The following GRIK1 variants were observed in gnomAD, a reference collection of about 807,000 sequenced individuals.
The protein encoded by GRIK1 is glutamate receptor ionotropic, kainate 1.
Under a neutral mutation model 105.7 loss-of-function variants are expected in GRIK1, and 69 were observed. The ratio of observed to expected loss-of-function variants is 0.65; its 90% confidence interval spans 0.54 to 0.80. GRIK1 has a LOEUF of 0.80. GRIK1 is among the 30% of genes least tolerant of loss of function. GRIK1 has a pLI of 0.00. For missense variants in GRIK1, 1,109 were observed against 1,167.3 expected, an observed-to-expected ratio of 0.95 and a Z score of 0.73; for synonymous variants, 438 against 431.3, an observed-to-expected ratio of 1.02 and a Z score of -0.19.
chr21:29,680,058 A>G (rs2063341973), intron 3 of GRIK1, among the ~76,000 whole-genome samples: 1 of 152,210 alleles, frequency 6.6e-6, no homozygotes, highest in South Asian at 2.1e-4. Flanking sequence ...AGGTGTCCCA[A>G]GTTTCTTAGG....
At chr21:29,788,770 G>A (rs1473930815) in intron 1 of GRIK1, among the ~76,000 whole-genome samples, 1 of 152,188 alleles carries the variant, frequency 6.6e-6, no homozygotes, top group African/African-American at 2.4e-5. Context: ...CAGATCATCA[G>A]GCAGTAGATT....
chr21:29,939,383 C>G lies in GRIK1; in HGVS notation c.118G>C (p.Gly40Arg). The G allele has an allele frequency of 6.7e-7, 1 of 1,500,046 alleles. No individual in the cohort carries two copies. 92.9% of individuals were successfully genotyped at this position (1,500,046 alleles called of 1,614,324 possible). Residue 40 changes from glycine to arginine, a missense_variant and splice_region_variant, in exon 1 of 18, where the codon GGA becomes CGA. By Grantham distance (125) the Gly-to-Arg change is moderately radical (BLOSUM62 -2). Around this residue, in one of 5 missense-constraint regions of GRIK1, gnomAD observed 612 missense variants for 586.0 expected, o/e 1.04. Transcript: ENST00000327783. ...AGCAGGCAGCCTGGGGCTCACTCACCGATCCTGAGTACTTGCGGGGCGGTC... is the reference window on the plus strand; with the variant it reads ...AGCAGGCAGCCTGGGGCTCACTCACGGATCCTGAGTACTTGCGGGGCGGTC... ...PQTAPQVLRI[G>R]GIFETVENEP... is the part of the protein sequence containing the mutation.
chr21:29,638,585 T>C (rs761076342), intron 7 of GRIK1, among the ~76,000 whole-genome samples: 5 of 152,192 alleles, frequency 3.3e-5, no homozygotes, highest in Non-Finnish European at 5.9e-5. Context: ...ATTAAAAACA[T>C]AATCCTCACA....
chr21:29,885,711 G>A (rs1376225070), intron 1 of GRIK1, among the ~76,000 whole-genome samples: 1 of 152,090 alleles, frequency 6.6e-6, no homozygotes, highest in Non-Finnish European at 1.5e-5. Context: ...TTCTAACAAG[G>A]AGGACTGCTG....
intron 1 of GRIK1, among the ~76,000 whole-genome samples, chr21:29,858,051 C>T (rs2068517230): frequency 6.6e-6 from 1 of 152,118 alleles, no homozygotes; most frequent in African/African-American, 2.4e-5. Flanking sequence ...CAGGCAAGTG[C>T]TATCACGCCT....
chr21:29,627,457 C>G (rs1942636101), intron 7 of GRIK1, among the ~76,000 whole-genome samples: 1 of 152,150 alleles, frequency 6.6e-6, no homozygotes, highest in Admixed American at 6.6e-5. Flanking sequence ...GGAAAGGTGA[C>G]AGGATTACAA....
intron 1 of GRIK1, among the ~76,000 whole-genome samples, chr21:29,695,473 T>TATCTATC (rs1242820775): frequency 4.1e-4 from 58 of 141,120 alleles, no homozygotes; most frequent in African/African-American, 1.5e-3. Flanking sequence ...TCTATCTATC[T>TATCTATC]ATCTATATAT....
chr21:29,809,886 T>A (rs573126887), intron 1 of GRIK1, among the ~76,000 whole-genome samples: 1 of 152,212 alleles, frequency 6.6e-6, no homozygotes, highest in South Asian at 2.1e-4. Context: ...CCCGAGGAGA[T>A]GAAGAGAAAT....
chr21:29,646,538 G>A (rs1011394316), intron 6 of GRIK1, among the ~76,000 whole-genome samples: 1 of 152,164 alleles, frequency 6.6e-6, no homozygotes, highest in Non-Finnish European at 1.5e-5. Flanking sequence ...AGATGGTCTT[G>A]AGGACTCTGA....
chr21:29,762,106 T>G (rs1182762598), intron 1 of GRIK1, among the ~76,000 whole-genome samples: 1 of 152,232 alleles, frequency 6.6e-6, no homozygotes, highest in Non-Finnish European at 1.5e-5. Context: ...TTTTTCCACA[T>G]GGCAATTTTT....
intron 1 of GRIK1, among the ~76,000 whole-genome samples, chr21:29,872,350 C>T (rs966689284): frequency 3.9e-5 from 6 of 152,116 alleles, no homozygotes; most frequent in Admixed American, 2.0e-4. Flanking sequence ...CCCGCCATGA[C>T]GCCAGCTAAT....
At chr21:29,824,394 T>C (rs1028849094) in intron 1 of GRIK1, among the ~76,000 whole-genome samples, 3 of 152,040 alleles carry the variant, frequency 2.0e-5, no homozygotes, top group Middle Eastern at 3.4e-3. Context: ...CCTCTTTTCA[T>C]GAAGCTTACA....
At chr21:29,873,570 T>C (rs985336691) in intron 1 of GRIK1, among the ~76,000 whole-genome samples, 4 of 152,230 alleles carry the variant, frequency 2.6e-5, no homozygotes, top group Non-Finnish European at 5.9e-5. Context: ...CTAACAAATG[T>C]TAGCTCTTTT....
intron 1 of GRIK1, among the ~76,000 whole-genome samples, chr21:29,741,495 C>A (rs2064927218): frequency 6.6e-6 from 1 of 152,036 alleles, no homozygotes; most frequent in Non-Finnish European, 1.5e-5. Flanking sequence ...AGCCAAGAAG[C>A]AAATTTTTAA....
intron 1 of GRIK1, among the ~76,000 whole-genome samples, chr21:29,893,538 A>G (rs1218829804): frequency 6.6e-6 from 1 of 152,220 alleles, no homozygotes; most frequent in African/African-American, 2.4e-5. Flanking sequence ...CTATATTTAT[A>G]TAGCATTTAA....
chr21:29,566,204 T>A (rs2090607563), intron 14 of GRIK1, among the ~76,000 whole-genome samples: 1 of 152,212 alleles, frequency 6.6e-6, no homozygotes, highest in South Asian at 2.1e-4. Flanking sequence ...ACATATAATG[T>A]CAACCAGTCT....
intron 1 of GRIK1, among the ~76,000 whole-genome samples, chr21:29,918,960 G>A (rs984215271): frequency 1.3e-5 from 2 of 151,866 alleles, no homozygotes; most frequent in Non-Finnish European, 1.5e-5. Flanking sequence ...TACAACAGGC[G>A]AAGGGGAAGG....
chr21:29,579,985 G>GTATATATA (rs1568842961), intron 13 of GRIK1, among the ~76,000 whole-genome samples: 5 of 144,612 alleles, frequency 3.5e-5, no homozygotes, highest in East Asian at 2.0e-4. Context: ...ATATATATGT[G>GTATATATA]TGTATATATA....
chr21:29,742,577 G>T (rs1387640842), intron 1 of GRIK1, among the ~76,000 whole-genome samples: 1 of 152,214 alleles, frequency 6.6e-6, no homozygotes, highest in East Asian at 1.9e-4. Context: ...TGGACTAAAA[G>T]TGGTTTCATG....
Sources: gnomAD v4.1 joint callset for allele counts (sites outside exome capture counted in the v4.1 genomes callset) on GRCh38, gnomAD v4.1.1 for gene constraint, gnomAD v4.1.1 regional missense constraint, MANE v1.5 for transcripts, NCBI Gene and HGNC (gene_info 2026-07-23, HGNC 2026-07-21) for gene names.